CCSER1: variants seen among roughly 807,000 people sequenced by gnomAD.
CCSER1 encodes the protein coiled-coil serine rich protein 1, also known as serine-rich coiled-coil domain-containing protein 1.
A neutral mutation model predicts 82.0 loss-of-function variants in CCSER1; 41 were observed. That is an observed-to-expected ratio of 0.50 (90% confidence interval 0.39 to 0.65). The LOEUF (loss-of-function observed/expected upper bound fraction) is 0.65, where lower values mean the gene tolerates loss of function less well. Ranked by LOEUF, CCSER1 falls within the 30% of genes least tolerant of loss-of-function variation. The pLI, the probability that CCSER1 is intolerant of heterozygous loss-of-function variation, is 0.00. For missense variants in CCSER1, 1,119 were observed against 1,064.2 expected (o/e 1.05, Z -0.72); for synonymous variants, 414 against 383.9 (o/e 1.08, Z -0.92).
intron 6 of CCSER1, among the ~76,000 whole-genome samples, chr4:90,694,778 A>G (rs567797620): frequency 1.1e-3 from 165 of 145,892 alleles, no homozygotes; most frequent in African/African-American, 4.1e-3. Flanking sequence ...CACTTTCTCA[A>G]TGCACGATGT....
intron 10 of CCSER1, among the ~76,000 whole-genome samples, chr4:91,423,876 G>A (rs1753817549): frequency 6.6e-6 from 1 of 151,920 alleles, no homozygotes; most frequent in Non-Finnish European, 1.5e-5. Flanking sequence ...GCAGAGAAAT[G>A]TCATATATAA....
chr4:90,946,153 A>G (rs1480121676), intron 9 of CCSER1, among the ~76,000 whole-genome samples: 1 of 152,232 alleles, frequency 6.6e-6, no homozygotes, highest in African/African-American at 2.4e-5. Flanking sequence ...AATGATTGAT[A>G]TAATGCTAAT....
At chr4:91,024,003 T>C (rs1036024992) in intron 9 of CCSER1, among the ~76,000 whole-genome samples, 1 of 152,142 alleles carries the variant, frequency 6.6e-6, no homozygotes, top group Non-Finnish European at 1.5e-5. Context: ...GGGGTGCATC[T>C]GGTGAGAGCT....
chr4:91,288,911 A>C (rs1254739567), intron 10 of CCSER1, among the ~76,000 whole-genome samples: 1 of 152,038 alleles, frequency 6.6e-6, no homozygotes, highest in Non-Finnish European at 1.5e-5. Flanking sequence ...CTTAGAGTTG[A>C]TCAGAGAAAG....
At chr4:90,336,966 A>G (rs1740522876) in intron 3 of CCSER1, among the ~76,000 whole-genome samples, 2 of 152,196 alleles carry the variant, frequency 1.3e-5, no homozygotes, top group South Asian at 4.1e-4. Context: ...CAAATGGTTT[A>G]TTTACAAAAC....
At chr4:90,621,922 C>G (rs1579530081) in intron 5 of CCSER1, among the ~76,000 whole-genome samples, 1 of 152,162 alleles carries the variant, frequency 6.6e-6, no homozygotes, top group Non-Finnish European at 1.5e-5. Context: ...AAACCTCATG[C>G]AAGTTCAATA....
intron 9 of CCSER1, among the ~76,000 whole-genome samples, chr4:91,067,120 C>T (rs780552208): frequency 1.3e-5 from 2 of 150,992 alleles, no homozygotes; most frequent in African/African-American, 2.4e-5. Context: ...GCAGAGATCG[C>T]GCCACTGCAC....
intron 4 of CCSER1, among the ~76,000 whole-genome samples, chr4:90,406,694 C>T: frequency 6.6e-6 from 1 of 152,010 alleles, no homozygotes; most frequent in Non-Finnish European, 1.5e-5. Flanking sequence ...GAAATCAACT[C>T]CAAAAGGAAT....
At chr4:90,483,867 T>C (rs1162750331) in intron 5 of CCSER1, among the ~76,000 whole-genome samples, 1 of 152,158 alleles carries the variant, frequency 6.6e-6, no homozygotes, top group East Asian at 1.9e-4. Context: ...TTGCTCTTCT[T>C]GTGGAGTATC....
chr4:90,408,877 A>C (rs1754192115), intron 4 of CCSER1, among the ~76,000 whole-genome samples: 1 of 152,144 alleles, frequency 6.6e-6, no homozygotes, highest in South Asian at 2.1e-4. Flanking sequence ...GAAGTTAAAA[A>C]CTGAAAACAA....
intron 10 of CCSER1, among the ~76,000 whole-genome samples, chr4:91,406,716 C>A (rs978328810): frequency 1.3e-5 from 2 of 152,122 alleles, no homozygotes; most frequent in Non-Finnish European, 2.9e-5. Context: ...ATGATAATAT[C>A]TTCATGACTG....
intron 9 of CCSER1, among the ~76,000 whole-genome samples, chr4:91,052,497 G>A (rs1006478771): frequency 6.6e-6 from 1 of 152,030 alleles, no homozygotes; most frequent in African/African-American, 2.4e-5. Flanking sequence ...CTATGATCTG[G>A]AAGTTGAAAC....
intron 10 of CCSER1, among the ~76,000 whole-genome samples, chr4:91,284,244 T>C (rs1160195462): frequency 6.6e-6 from 1 of 152,142 alleles, no homozygotes; most frequent in Non-Finnish European, 1.5e-5. Context: ...TCATGCACAG[T>C]TGTGTTTTTG....
At chr4:90,605,490 A>T (rs1242854612) in intron 5 of CCSER1, among the ~76,000 whole-genome samples, 4 of 152,258 alleles carry the variant, frequency 2.6e-5, no homozygotes, top group Non-Finnish European at 5.9e-5. Flanking sequence ...TTTGAGAAAC[A>T]AAAATATAGA....
intron 10 of CCSER1, among the ~76,000 whole-genome samples, chr4:91,398,219 A>C (rs1752105430): frequency 6.6e-6 from 1 of 151,868 alleles, no homozygotes; most frequent in South Asian, 2.1e-4. Flanking sequence ...TGTCATTATG[A>C]CTTTTGTCTT....
intron 10 of CCSER1, among the ~76,000 whole-genome samples, chr4:91,535,529 T>C (rs1468776874): frequency 1.3e-5 from 2 of 152,082 alleles, no homozygotes; most frequent in African/African-American, 4.8e-5. Context: ...CTGCTCAATG[T>C]CATTATTAGC....
rs370885771 is a variant in CCSER1 at position 90,386,231 on chromosome 4, G to A, written c.1510-13805G>A. On this transcript the variant is annotated intron_variant, in intron 3 of 10. Transcript: ENST00000509176. ...TGTAAGCAAAAAGAACAAATCTGGAGGCATCGCATTACCTTCCTTCAATTT... is the reference window on the plus strand; with the variant it reads ...TGTAAGCAAAAAGAACAAATCTGGAAGCATCGCATTACCTTCCTTCAATTT... 2.0e-5 allele frequency among the ~76,000 whole-genome samples: 3 copies of A among 152,294 alleles called. No individual in the cohort carries two copies. In the South Asian group the frequency reaches 6.2e-4, roughly 32 times the overall value.
chr4:91,283,208 T>A (rs1560565122), intron 10 of CCSER1, among the ~76,000 whole-genome samples: 1 of 152,134 alleles, frequency 6.6e-6, no homozygotes, highest in African/African-American at 2.4e-5. Context: ...ACTGGAGGGA[T>A]GTAGAAACTA....
At chr4:91,585,894 G>T (rs986653547) in intron 10 of CCSER1, among the ~76,000 whole-genome samples, 1 of 151,604 alleles carries the variant, frequency 6.6e-6, no homozygotes, top group African/African-American at 2.4e-5. Flanking sequence ...CAGTAGGAAG[G>T]TATTGAAAGA....
Sources: allele counts gnomAD v4.1 joint callset (sites outside exome capture counted in the v4.1 genomes callset), GRCh38; gene constraint gnomAD v4.1.1; transcripts MANE v1.5; gene names NCBI Gene and HGNC (gene_info 2026-07-23, HGNC 2026-07-21).